KRT10: variants seen among roughly 807,000 people sequenced by gnomAD.
The protein encoded by KRT10 is keratin 10.
Under a neutral mutation model 59.2 loss-of-function variants are expected in KRT10, and 40 were observed. That is an observed-to-expected ratio of 0.68 (90% confidence interval 0.52 to 0.88). KRT10 has a LOEUF of 0.88. Ranked by LOEUF, KRT10 falls within the 40% of genes least tolerant of loss-of-function variation. The pLI, the probability that KRT10 is intolerant of heterozygous loss-of-function variation, is 0.00. For missense variants in KRT10, 719 were observed against 749.1 expected (o/e 0.96, Z 0.47); for synonymous variants, 336 against 310.7 (o/e 1.08, Z -0.86).
At chr17:40,818,722 A>G in intron 7 of KRT10, 65 bp downstream of exon 7, 1 of 1,598,798 alleles carries the variant, frequency 6.3e-7, no homozygotes, top group Non-Finnish European at 8.5e-7. Flanking sequence ...TAGAGCTTAA[A>G]GCGCAAAAAA....
chr17:40,822,317 C>A lies in KRT10; in HGVS notation c.269G>T (p.Gly90Val). The change falls in exon 1 of 8, where the codon GGA becomes GTA. Residue 90 changes from glycine to valine, a missense_variant. Transcript: ENST00000269576. ...ATAACTCCCACCAAAGCTGCTACTT[C>A]CATAGCTTCCACGAAAGCTACCTCC... The part of the protein sequence containing the change: ...FGGGSFRGSY[G>V]SSSFGGSYGG... 3 of 1,596,470 alleles carry A rather than the reference C, an allele frequency of 1.9e-6. No individual in the cohort carries two copies. The highest frequency in any genetic ancestry group is 2.6e-6 in the Non-Finnish European group (3 of 1,170,226).
At chr17:40,821,691 A>T (rs1425561991) in intron 1 of KRT10, among the ~76,000 whole-genome samples, 1 of 152,020 alleles carries the variant, frequency 6.6e-6, no homozygotes, top group African/African-American at 2.4e-5. Context: ...AGCATATTTT[A>T]ACTGTGGACT....
chr17:40,818,599 G>C, intron 7 of KRT10, 117 bp from the exon 8 acceptor site: 1 of 1,260,592 alleles, frequency 7.9e-7, no homozygotes, highest in Admixed American at 1.9e-5. Context: ...CCAAAAAAAT[G>C]CTTAAGGTAT....
At chr17:40,821,935 G>A (rs1905411060) in intron 1 of KRT10, 24 bp downstream of exon 1, 4 of 1,612,288 alleles carry the variant, frequency 2.5e-6, no homozygotes, top group Non-Finnish European at 1.7e-6. Flanking sequence ...GATACTTAAA[G>A]CTGGATTTAA....
At position 40,818,479 on chromosome 17, in the gene KRT10, G is replaced by A. The variant is rs1221302840; in HGVS notation, c.1752C>T (p.Tyr584=). Residue 584 remains tyrosine, a synonymous_variant, in exon 8 of 8, where the codon TAC becomes TAT. Coordinates refer to ENST00000269576, the MANE Select transcript of KRT10 (RefSeq NM_000421.5). ...TGTCTTGATTACTCTGGTTTTGTTA[G>A]TATCTGTGTGAATGATGGAAAAAAA... ...VGESSSKGPR[Y] 2 of 1,603,232 alleles carry A rather than the reference G, an allele frequency of 1.2e-6. No homozygotes were observed. Among genetic ancestry groups the A allele is most frequent in the South Asian group, 1.1e-5 (1 of 90,866 alleles).
chr17:40,818,346 TGA>T lies in KRT10; in HGVS notation c.*128_*129del. On this transcript the variant is annotated 3_prime_UTR_variant, in exon 8 of 8. Coordinates refer to ENST00000269576, the MANE Select transcript of KRT10 (RefSeq NM_000421.5). ...ATGCATCTGTAAATAATGGTCTGTG[TGA>T]AGGGAGACTCTTTCCTCTTGATGCA... 1 of 1,263,252 alleles carries T rather than the reference TGA, an allele frequency of 7.9e-7. No homozygotes were observed. The highest frequency in any genetic ancestry group is 1.9e-5 in the Admixed American group (1 of 51,800). The allele number at this position is 1,263,252 out of a possible 1,614,324, so 78.3% of individuals were successfully genotyped here.
Position 40,819,588 on chromosome 17 carries a change from T to G in KRT10, c.1302A>C (p.Gln434His), listed in dbSNP as rs1317685336. The change falls in exon 6 of 8, where the codon CAA becomes CAC. Residue 434 changes from glutamine to histidine, a missense_variant. By Grantham distance (24) the Gln-to-His change is conservative (BLOSUM62 0). Transcript: ENST00000269576. Reference protein sequence around the residue: ...ETECQNTEYQQLLDIKIRLEN... With the variant: ...ETECQNTEYQHLLDIKIRLEN... Reference sequence around the variant, plus strand: ...CCAGTCGGATCTTAATATCCAGGAGTTGTTGGTATTCAGTATTCTGGCACT... The same window carrying G: ...CCAGTCGGATCTTAATATCCAGGAGGTGTTGGTATTCAGTATTCTGGCACT... 1 of 1,614,056 alleles carries G rather than the reference T, an allele frequency of 6.2e-7. No homozygotes were observed. The highest frequency in any genetic ancestry group is 8.5e-7 in the Non-Finnish European group (1 of 1,179,998).
chr17:40,819,066 C>T lies in KRT10; in HGVS notation c.1469G>A (p.Gly490Asp). ...GCCGCCGCCGGAACTGCCGCCGTGG[C>T]CGCCGCCGTGGCCGCCGCCGGAGCT... ...GGSSGGGHGG[G>D]HGGSSGGGYG... Residue 490 changes from glycine (G) to aspartate (D), a missense_variant, in exon 7 of 8, where the codon GGC (glycine) becomes GAC (aspartate). Physicochemically the swap from Gly to Asp is moderately conservative, Grantham distance 94 (BLOSUM62 -1). Coordinates refer to ENST00000269576, the MANE Select transcript of KRT10 (RefSeq NM_000421.5). The T allele has an allele frequency of 1.4e-6, 1 of 712,334 alleles. No homozygotes were observed. Among genetic ancestry groups the T allele is most frequent in the Non-Finnish European group, 1.9e-6 (1 of 519,518 alleles). 44.1% of individuals were successfully genotyped at this position (712,334 alleles called of 1,614,324 possible). A position where few individuals can be genotyped will look rare whatever the true frequency, so the allele number is the denominator to read the frequency against.
In KRT10 at chr17:40,822,511, ACAT is replaced by A. The variant is rs774072560; in HGVS notation, c.72_74del (p.Cys25del). On this transcript the variant is annotated inframe_deletion, in exon 1 of 8. Coordinates refer to ENST00000269576, the MANE Select transcript of KRT10 (RefSeq NM_000421.5). ...GGGATGACACTCCTCCTCCTCCTCCACATCCTCCTCCTCCTCCTCCTCCTCCAC... is the reference window on the plus strand; with the variant it reads ...GGGATGACACTCCTCCTCCTCCTCCACCTCCTCCTCCTCCTCCTCCTCCAC... The A allele has an allele frequency of 1.2e-6, 2 of 1,610,658 alleles. No homozygotes were observed. Among genetic ancestry groups the A allele is most frequent in the Admixed American group, 3.3e-5 (2 of 59,892 alleles).
intron 6 of KRT10, 54 bp from the exon 7 acceptor site, chr17:40,819,215 A>G (rs1905231841): frequency 6.3e-7 from 1 of 1,592,926 alleles, no homozygotes; most frequent in East Asian, 2.2e-5. Flanking sequence ...AACGGTGGGT[A>G]GCTTTCCAGT....
chr17:40,822,610 T>C lies in KRT10; in HGVS notation c.-25A>G. On this transcript the variant is annotated 5_prime_UTR_variant, in exon 1 of 8. Coordinates refer to ENST00000269576, the MANE Select transcript of KRT10 (RefSeq NM_000421.5). ...TGGTGATGCTGTTTAGCCCAGGGAG[T>C]GCCTGCTACCAAGGACAGTGACAAG... 1 of 1,599,204 alleles carries C rather than the reference T, an allele frequency of 6.3e-7. No individual in the cohort carries two copies. The highest frequency in any genetic ancestry group is 8.5e-7 in the Non-Finnish European group (1 of 1,179,910).
Position 40,820,439 on chromosome 17 carries a change from A to T in KRT10, c.868-16T>A, listed in dbSNP as rs1905304378. ...CTTTCATTTCCTGTTTGAGGAACAG[A>T]AAGATTTATTGGCTACACGAGGACC... is the stretch of plus-strand genomic sequence containing the variant. On this transcript the variant is annotated splice_polypyrimidine_tract_variant and intron_variant, in intron 3 of 7. Coordinates refer to ENST00000269576, the MANE Select transcript of KRT10 (RefSeq NM_000421.5). The T allele has an allele frequency of 6.2e-7, 1 of 1,614,232 alleles. No individual in the cohort carries two copies. Among genetic ancestry groups the T allele is most frequent in the South Asian group, 1.1e-5 (1 of 91,090 alleles).
At position 40,818,484 on chromosome 17, in the gene KRT10, T is replaced by C. The variant is rs145243680; in HGVS notation, c.1749-2A>G. The C allele has an allele frequency of 6.3e-7, 1 of 1,595,744 alleles. No homozygotes were observed. The highest frequency in any genetic ancestry group is 1.1e-5 in the South Asian group (1 of 90,696). On this transcript the variant is annotated splice_acceptor_variant, in intron 7 of 7. Transcript: ENST00000269576. LOFTEE classifies it high-confidence loss of function. ...TGATTACTCTGGTTTTGTTAGTATC[T>C]GTGTGAATGATGGAAAAAAAATTTT...
Position 40,818,882 on chromosome 17 carries a change from G to C in KRT10, c.1653C>G (p.Ser551Arg). The C allele has an allele frequency of 6.6e-7, 1 of 1,524,478 alleles. No individual in the cohort carries two copies. Among genetic ancestry groups the C allele is most frequent in the Non-Finnish European group, 8.8e-7 (1 of 1,142,082 alleles). 94.4% of individuals were successfully genotyped at this position (1,524,478 alleles called of 1,614,324 possible). A position where few individuals can be genotyped will look rare whatever the true frequency, so the allele number is the denominator to read the frequency against. ...GYGGGSSGGG[S>R]SSGGGYGGGS... The stretch of plus-strand genomic sequence containing the variant: ...CGCCGCCGTATCCGCCGCCGGAGCT[G>C]CTGCCGCCGCCGGAGCTGCCGCCCC... The change falls in exon 7 of 8, where the codon AGC becomes AGG. Residue 551 changes from serine to arginine, a missense_variant. Ser to Arg is a moderately radical substitution (Grantham distance 110, BLOSUM62 -1). Coordinates refer to ENST00000269576, the MANE Select transcript of KRT10 (RefSeq NM_000421.5).
chr17:40,821,187 C>G, intron 1 of KRT10, 70 bp from the exon 2 acceptor site: 2 of 1,073,614 alleles, frequency 1.9e-6, no homozygotes, highest in South Asian at 1.3e-5. Context: ...GACATAGATG[C>G]ACTCTGCACT....
rs749719417 is a variant in KRT10 at position 40,818,965 on chromosome 17, C to T, written c.1570G>A (p.Gly524Ser). 1.5e-6 allele frequency: 2 copies of T among 1,375,968 alleles called. No individual in the cohort carries two copies. The highest frequency in any genetic ancestry group is 1.6e-5 in the South Asian group (1 of 60,992). 85.2% of individuals were successfully genotyped at this position (1,375,968 alleles called of 1,614,324 possible). Residue 524 changes from glycine (G) to serine (S), a missense_variant, in exon 7 of 8, where the codon GGC becomes AGC. By Grantham distance (56) the Gly-to-Ser change is moderately conservative. Around this residue, in one of 4 missense-constraint regions of KRT10, gnomAD observed 315 missense variants for 270.6 expected, o/e 1.16. Transcript: ENST00000269576. ...CCACCGTAGCCGCCGCTGGAACTGC[C>T]GCCGTGGCCGCCGCTGGAGCTTCCG... ...GGGSSSGGHG[G>S]SSSGGYGGGS...
chr17:40,819,075 TGGCCGCCGCC>T lies in KRT10; in HGVS notation c.1450_1459del (p.Gly484ThrfsTer132). 1 of 1,215,204 alleles carries T rather than the reference TGGCCGCCGCC, an allele frequency of 8.2e-7. No individual in the cohort carries two copies. Among genetic ancestry groups the T allele is most frequent in the Non-Finnish European group, 1.1e-6 (1 of 932,138 alleles). 75.3% of individuals were successfully genotyped at this position (1,215,204 alleles called of 1,614,324 possible). On this transcript the variant is annotated frameshift_variant, in exon 7 of 8. Transcript: ENST00000269576. LOFTEE classifies it high-confidence loss of function. ...GGAACTGCCGCCGTGGCCGCCGCCG[TGGCCGCCGCC>T]GGAGCTTCCGCCGCCGGAGCTTCCG...
chr17:40,821,922 C>A (rs1236359368), intron 1 of KRT10, 37 bp downstream of exon 1: 2 of 1,605,150 alleles, frequency 1.2e-6, no homozygotes, highest in Admixed American at 3.3e-5. Flanking sequence ...ATTACATGGA[C>A]AAGATACTTA....
At chr17:40,821,892 T>G in intron 1 of KRT10, 67 bp downstream of exon 1, 10 of 1,543,074 alleles carry the variant, frequency 6.5e-6, no homozygotes, top group East Asian at 2.3e-5. Context: ...TTGTGCTTAA[T>G]TTAAGATTCA....
Sources: allele counts gnomAD v4.1 joint callset (sites outside exome capture counted in the v4.1 genomes callset), GRCh38; gene constraint gnomAD v4.1.1; regional missense constraint gnomAD v4.1.1; transcripts MANE v1.5; gene names NCBI Gene and HGNC (gene_info 2026-07-23, HGNC 2026-07-21).